The following CNOT6L variants were observed in gnomAD, a reference collection of about 807,000 sequenced individuals.
CNOT6L encodes CCR4-NOT transcription complex subunit 6-like.
In CNOT6L, 7 loss-of-function variants were observed where a neutral mutation model predicts 64.0. The observed-to-expected ratio is 0.11, with a 90% CI of 0.06 to 0.21. The LOEUF (loss-of-function observed/expected upper bound fraction) is 0.21, where lower values mean the gene tolerates loss of function less well. Among genes scored for constraint, CNOT6L ranks in the 10% least tolerant of loss-of-function variants. The pLI is 1.00. For missense variants in CNOT6L, 245 were observed against 669.0 expected (o/e 0.37, Z 6.99); for synonymous variants, 193 against 243.4 (o/e 0.79, Z 1.93).
At chr4:77,743,849 G>A (rs959922774) in intron 7 of CNOT6L, among the ~76,000 whole-genome samples, 4 of 151,878 alleles carry the variant, frequency 2.6e-5, no homozygotes, top group Non-Finnish European at 4.4e-5. Context: ...GGATCCACCC[G>A]CCTCGGCCTC....
chr4:77,726,073 A>C (rs1363967087), intron 11 of CNOT6L, 94 bp downstream of exon 11: 1 of 1,135,252 alleles, frequency 8.8e-7, no homozygotes, highest in African/African-American at 1.5e-5. Context: ...AAATTCCTGA[A>C]GATTATACAA....
intron 1 of CNOT6L, among the ~76,000 whole-genome samples, chr4:77,782,982 T>C (rs1304635643): frequency 6.6e-6 from 1 of 152,036 alleles, no homozygotes; most frequent in East Asian, 1.9e-4. Flanking sequence ...TAAAGAACAA[T>C]TTCATTAGCA....
chr4:77,808,235 G>A (rs1317959262), intron 1 of CNOT6L, among the ~76,000 whole-genome samples: 1 of 152,150 alleles, frequency 6.6e-6, no homozygotes, highest in Non-Finnish European at 1.5e-5. Flanking sequence ...GCTGAGGCAG[G>A]TGGATCATTT....
chr4:77,747,205 T>TA (rs1724295478), intron 6 of CNOT6L, among the ~76,000 whole-genome samples: 1 of 152,148 alleles, frequency 6.6e-6, no homozygotes, highest in African/African-American at 2.4e-5. Context: ...CTCTGTCTCC[T>TA]AGGCTGGAGT....
chr4:77,817,317 T>TTA (rs1410812194), intron 1 of CNOT6L, among the ~76,000 whole-genome samples: 1 of 152,170 alleles, frequency 6.6e-6, no homozygotes, highest in Non-Finnish European at 1.5e-5. Flanking sequence ...ACATTAAAGT[T>TTA]TATATATATA....
At chr4:77,723,813 A>G (rs1288104656) in intron 11 of CNOT6L, among the ~76,000 whole-genome samples, 4 of 152,244 alleles carry the variant, frequency 2.6e-5, no homozygotes, top group Non-Finnish European at 4.4e-5. Flanking sequence ...ATGGCTCAAT[A>G]GGATTTTTGA....
chr4:77,762,394 T>C (rs189151013), intron 4 of CNOT6L, among the ~76,000 whole-genome samples: 4 of 152,162 alleles, frequency 2.6e-5, no homozygotes, highest in Admixed American at 2.0e-4. Context: ...GAATAGTGTG[T>C]TTAGCAGTAG....
intron 9 of CNOT6L, among the ~76,000 whole-genome samples, chr4:77,729,538 T>C (rs1466775186): frequency 6.6e-6 from 1 of 152,162 alleles, no homozygotes; most frequent in Non-Finnish European, 1.5e-5. Flanking sequence ...TAAGATAAAA[T>C]AAGAAAGTCA....
At chr4:77,797,711 G>A (rs971187799) in intron 1 of CNOT6L, among the ~76,000 whole-genome samples, 9 of 152,040 alleles carry the variant, frequency 5.9e-5, no homozygotes, top group Admixed American at 5.2e-4. Context: ...CAAAATCAAT[G>A]GTAAGAATTA....
chr4:77,719,365 A>G lies in CNOT6L; in HGVS notation c.*1066T>C, dbSNP rs1721061196. 6.6e-6 allele frequency: 1 copy of G among 152,610 alleles called. No individual in the cohort carries two copies. Among genetic ancestry groups the G allele is most frequent in the Non-Finnish European group, 1.5e-5 (1 of 68,026 alleles). 9.5% of individuals were successfully genotyped at this position (152,610 alleles called of 1,614,324 possible). ...CCAACGTTTTCAACTACTGCCCCAA[A>G]TTTGTTCTCTCTCCCAAATCCTTTG... is the stretch of plus-strand genomic sequence containing the variant. On this transcript the variant is annotated 3_prime_UTR_variant, in exon 12 of 12. Coordinates refer to ENST00000504123, the MANE Select transcript of CNOT6L (RefSeq NM_144571.3).
chr4:77,819,073 C>CACACACACACACACACAT, intron 1 of CNOT6L: 1 of 739,834 alleles, frequency 1.4e-6, no homozygotes, highest in Non-Finnish European at 2.3e-6. Flanking sequence ...CACACACACA[C>CACACACACACACACACAT]ACCCCGGAAC....
At position 77,761,024 on chromosome 4, in the gene CNOT6L, GA is replaced by G. The variant is rs540448997; in HGVS notation, c.401-4074del. Among the ~76,000 whole-genome samples, 5 of 151,488 alleles carry G rather than the reference GA, an allele frequency of 3.3e-5. No individual in the cohort carries two copies. In the South Asian group the frequency reaches 1.0e-3, roughly 32 times the overall value. ...AGCCACTCTGCCCAGCCAGGGAAAGGAAATATTAAGAAAACTATATGTGTGT... is the reference window on the plus strand; with the variant it reads ...AGCCACTCTGCCCAGCCAGGGAAAGGAATATTAAGAAAACTATATGTGTGT... On this transcript the variant is annotated intron_variant, in intron 4 of 11. Coordinates refer to ENST00000504123, the MANE Select transcript of CNOT6L (RefSeq NM_144571.3).
At chr4:77,746,994 G>A (rs1380113154) in intron 6 of CNOT6L, among the ~76,000 whole-genome samples, 3 of 150,994 alleles carry the variant, frequency 2.0e-5, no homozygotes, top group East Asian at 3.9e-4. Flanking sequence ...TTATTAAAAT[G>A]CAAATAGAAC....
intron 1 of CNOT6L, among the ~76,000 whole-genome samples, chr4:77,805,800 A>T (rs1297309153): frequency 6.6e-6 from 1 of 152,236 alleles, no homozygotes; most frequent in Non-Finnish European, 1.5e-5. Flanking sequence ...AAAGGTCCAC[A>T]GCACCAAAGA....
At chr4:77,753,563 C>T (rs112432208) in intron 5 of CNOT6L, among the ~76,000 whole-genome samples, 9,701 of 151,960 alleles carry the variant, frequency 0.064, 464 homozygotes, top group African/African-American at 0.13. Context: ...CCCAGCTACT[C>T]AGGAGGCTGA....
chr4:77,769,211 C>T (rs1478424979), intron 4 of CNOT6L, among the ~76,000 whole-genome samples: 2 of 152,062 alleles, frequency 1.3e-5, no homozygotes, highest in Non-Finnish European at 2.9e-5. Context: ...GGTTAGAACA[C>T]CTTTAACAGA....
Position 77,759,746 on chromosome 4 carries a change from G to A in CNOT6L, c.401-2795C>T, listed in dbSNP as rs536467934. Reference sequence around the variant, plus strand: ...TCAAACACTCCTATGGTTACTGACAGAAAAAAGCACACAAAAAATTAGTAA... The same window carrying A: ...TCAAACACTCCTATGGTTACTGACAAAAAAAAGCACACAAAAAATTAGTAA... On this transcript the variant is annotated intron_variant, in intron 4 of 11. Coordinates refer to ENST00000504123, the MANE Select transcript of CNOT6L (RefSeq NM_144571.3). Among the ~76,000 whole-genome samples, 150 of 152,156 alleles carry A rather than the reference G, an allele frequency of 9.9e-4. 1 individual carries two copies. The highest frequency in any genetic ancestry group is 3.1e-3 in the African/African-American group (129 of 41,524).
In CNOT6L at chr4:77,742,218, T is replaced by C. The variant is rs774733686; in HGVS notation, c.795A>G (p.Pro265=). ...CAGACATGATTTTGGCACGTGACTT[T>C]GGAGAAAAAAATCCATCATATCCAC... ...KERGYDGFFS[P]KSRAKIMSEQ... is the part of the protein sequence containing the mutation. The change falls in exon 8 of 12, where the codon CCA becomes CCG. Residue 265 remains proline (P), a synonymous_variant. Transcript: ENST00000504123. 7 of 1,613,468 alleles carry C rather than the reference T, an allele frequency of 4.3e-6. No individual in the cohort carries two copies. The highest frequency in any genetic ancestry group is 5.9e-6 in the Non-Finnish European group (7 of 1,179,644).
intron 1 of CNOT6L, among the ~76,000 whole-genome samples, chr4:77,786,910 T>G (rs1729512137): frequency 6.6e-6 from 1 of 152,218 alleles, no homozygotes; most frequent in Non-Finnish European, 1.5e-5. Context: ...TGCTTCTATT[T>G]TACTGAGTCT....
Sources: allele counts gnomAD v4.1 joint callset (sites outside exome capture counted in the v4.1 genomes callset), GRCh38; gene constraint gnomAD v4.1.1; transcripts MANE v1.5; gene names NCBI Gene and HGNC (gene_info 2026-07-23, HGNC 2026-07-21).